Variants in ACIN1 observed in about 807,000 individuals in gnomAD.
ACIN1 encodes apoptotic chromatin condensation inducer 1.
ACIN1 carries 16 observed loss-of-function variants against 146.6 expected under a neutral mutation model. The ratio of observed to expected loss-of-function variants is 0.11; its 90% CI spans 0.07 to 0.17. ACIN1 has a LOEUF of 0.17. Ranked by LOEUF, ACIN1 falls within the 10% of genes least tolerant of loss-of-function variation. The pLI is 1.00. For synonymous variants in ACIN1, 569 were observed against 582.7 expected, an observed-to-expected ratio of 0.98 and a Z score of 0.34; for missense variants, 1,357 against 1,609.3, an observed-to-expected ratio of 0.84 and a Z score of 2.68.
intron 4 of ACIN1, among the ~76,000 whole-genome samples, chr14:23,088,721 G>T (rs1207069492): frequency 1.3e-5 from 2 of 152,120 alleles, no homozygotes; most frequent in Non-Finnish European, 2.9e-5. Context: ...CAATCCACAT[G>T]TCTTATATAC....
chr14:23,090,677 A>T (rs2048205927), intron 2 of ACIN1, 44 bp from the exon 3 acceptor site: 2 of 1,469,400 alleles, frequency 1.4e-6, no homozygotes, highest in Non-Finnish European at 1.9e-6. Context: ...AAAACAAACC[A>T]GGAGAATGCA....
In ACIN1 at chr14:23,094,851, G is replaced by A; in HGVS notation, c.138+124C>T. The A allele has an allele frequency of 2.2e-6, 3 of 1,360,496 alleles. 1 individual carries two copies. The highest frequency in any genetic ancestry group is 2.9e-5 in the South Asian group (2 of 69,688). The allele number at this position is 1,360,496 out of a possible 1,614,324, so 84.3% of individuals were successfully genotyped here. A position where few individuals can be genotyped will look rare whatever the true frequency, so the allele number is the denominator to read the frequency against. On this transcript the variant is annotated intron_variant, in intron 1 of 18. Transcript: ENST00000605057. ...ATCAACCACCGTGCGCGCGGATCCA[G>A]AGGCTCGCGCTGGCGGCCTGAGCGA...
At position 23,068,503 on chromosome 14, in the gene ACIN1, C is replaced by T. The variant is rs2047526066; in HGVS notation, c.2265+973G>A. On this transcript the variant is annotated intron_variant, in intron 9 of 18. Transcript: ENST00000605057. The surrounding 1 kb of genome is among the most constrained non-coding windows in gnomAD (Gnocchi z 4.3). ...GACAGGGAGGCAAAAGGGGGCCCAT[C>T]ACAGGAGCCCATATACATGCCCCCC... The T allele has an allele frequency of 1.0e-6, 1 of 985,820 alleles. No individual in the cohort carries two copies. Among genetic ancestry groups the T allele is most frequent in the Non-Finnish European group, 1.2e-6 (1 of 829,982 alleles). The allele number at this position is 985,820 out of a possible 1,614,324, so 61.1% of individuals were successfully genotyped here.
At chr14:23,095,293 C>G, upstream of ACIN1, 1 of 1,589,386 alleles carries the variant, frequency 6.3e-7, no homozygotes, top group Non-Finnish European at 8.6e-7. Flanking sequence ...ACATCGTTAC[C>G]AATCAATTCT....
At chr14:23,084,597 G>A (rs928060177) in intron 4 of ACIN1, among the ~76,000 whole-genome samples, 6 of 147,392 alleles carry the variant, frequency 4.1e-5, no homozygotes, top group African/African-American at 1.0e-4. Flanking sequence ...GCGACAGAGC[G>A]AGACTCCATC....
intron 6 of ACIN1, 125 bp from the exon 7 acceptor site, chr14:23,079,163 TC>T: frequency 1.0e-6 from 1 of 981,614 alleles, no homozygotes; most frequent in East Asian, 2.6e-5. Context: ...CTGTGTTTAC[TC>T]CCATTTTGTC....
chr14:23,088,149 C>A (rs1282119885), intron 4 of ACIN1, among the ~76,000 whole-genome samples: 2 of 152,124 alleles, frequency 1.3e-5, no homozygotes, highest in African/African-American at 4.8e-5. Flanking sequence ...AGTAGGAATT[C>A]AATAAATTTT....
rs1176920890 is a variant in ACIN1, at chr14:23,067,396, T to C, written c.2266-1388A>G. On this transcript the variant is annotated intron_variant, in intron 9 of 18. Transcript: ENST00000605057. The surrounding 1 kb of genome is among the most constrained non-coding windows in gnomAD (Gnocchi z 4.6). ...CGGTCCAATCAGAATGAGCCCTCCCTGCTAGGCGCTGTGCAATTGGTGGGG... is the reference window on the plus strand; with the variant it reads ...CGGTCCAATCAGAATGAGCCCTCCCCGCTAGGCGCTGTGCAATTGGTGGGG... 1 of 985,026 alleles carries C rather than the reference T, an allele frequency of 1.0e-6. No homozygotes were observed. Among genetic ancestry groups the C allele is most frequent in the African/African-American group, 1.8e-5 (1 of 56,956 alleles). 61.0% of individuals were successfully genotyped at this position (985,026 alleles called of 1,614,324 possible). A position where few individuals can be genotyped will look rare whatever the true frequency, so the allele number is the denominator to read the frequency against.
At chr14:23,073,931 G>A (rs1467892589) in intron 8 of ACIN1, among the ~76,000 whole-genome samples, 5 of 148,836 alleles carry the variant, frequency 3.4e-5, no homozygotes, top group Admixed American at 6.7e-5. Context: ...CTCCGCCTCC[G>A]GGGTTCACAC....
At chr14:23,092,970 C>T (rs1319755994) in intron 2 of ACIN1, among the ~76,000 whole-genome samples, 1 of 152,124 alleles carries the variant, frequency 6.6e-6, no homozygotes, top group African/African-American at 2.4e-5. Flanking sequence ...TGTTTCTTAT[C>T]CTAAGTAAAG....
intron 16 of ACIN1, among the ~76,000 whole-genome samples, 187 bp downstream of exon 16, chr14:23,061,971 CAAAAAAAAAA>C (rs57962360): frequency 6.8e-5 from 4 of 59,146 alleles, no homozygotes; most frequent in African/African-American, 1.5e-4. Context: ...GACTCTGTCT[CAAAAAAAAAA>C]AAAAAAAAAA....
chr14:23,081,823 T>G lies in ACIN1; in HGVS notation c.450A>C (p.Ser150=), dbSNP rs1371733693. 2 of 1,611,322 alleles carry G rather than the reference T, an allele frequency of 1.2e-6. No individual in the cohort carries two copies. Among genetic ancestry groups the G allele is most frequent in the Non-Finnish European group, 1.7e-6 (2 of 1,179,612 alleles). Residue 150 remains serine (S), a synonymous_variant, in exon 5 of 19, where the codon TCA becomes TCC. Transcript: ENST00000605057. ...LSRHSPRKSS[S]ISEEKGDSDD... The stretch of plus-strand genomic sequence containing the variant: ...CAGAGTCACCTTTCTCTTCAGAAAT[T>G]GAGGAGCTTTTTCCTATTGAATGAA...
In ACIN1 at chr14:23,079,680, T is replaced by C. The variant is rs1181036194; in HGVS notation, c.1655A>G (p.Lys552Arg). 6.2e-7 allele frequency: 1 copy of C among 1,614,014 alleles called. No homozygotes were observed. Among genetic ancestry groups the C allele is most frequent in the Non-Finnish European group, 8.5e-7 (1 of 1,180,018 alleles). Residue 552 changes from lysine (K) to arginine (R), a missense_variant, in exon 6 of 19, where the codon AAG (lysine) becomes AGG (arginine). Transcript: ENST00000605057. Reference protein sequence around the residue: ...GSRSHSPLRSKQRDVAQARTH... With the variant: ...GSRSHSPLRSRQRDVAQARTH... ...ACGTGCCTGGGCTACATCTCTCTGC[T>C]TGGATCTGAGCGGTGAATGAGACCG...
chr14:23,065,909 G>A (rs369806704), intron 10 of ACIN1, 57 bp downstream of exon 10: 314 of 1,520,164 alleles, frequency 2.1e-4, no homozygotes, highest in Non-Finnish European at 2.8e-4. Flanking sequence ...GGTTCTCAAT[G>A]AATGCTGGTT....
intron 4 of ACIN1, among the ~76,000 whole-genome samples, chr14:23,082,537 T>C (rs1445798392): frequency 7.1e-6 from 1 of 140,676 alleles, no homozygotes; most frequent in Non-Finnish European, 1.5e-5. Flanking sequence ...CTCTGCCCCC[T>C]GGCTTCAAAC....
chr14:23,064,628 G>C, intron 10 of ACIN1, 140 bp from the exon 11 acceptor site: 1 of 1,241,540 alleles, frequency 8.1e-7, no homozygotes, highest in Non-Finnish European at 1.1e-6. Context: ...GCTGAGTGTG[G>C]TGGCTCACAC....
intron 4 of ACIN1, among the ~76,000 whole-genome samples, chr14:23,088,715 C>T (rs565377807): frequency 1.3e-5 from 2 of 152,306 alleles, no homozygotes; most frequent in South Asian, 4.1e-4. Context: ...TACTAACAAT[C>T]CACATGTCTT....
chr14:23,080,561 T>G lies in ACIN1; in HGVS notation c.774A>C (p.Pro258=). The change falls in exon 6 of 19, where the codon CCA becomes CCC. Residue 258 remains proline (P), a synonymous_variant. Transcript: ENST00000605057. The stretch of plus-strand genomic sequence containing the variant: ...TGGGTCTCTCATCCATCATCTCCTC[T>G]GGTTTTACTCTAGGTATCTCTTCCC... The part of the protein sequence containing the change: ...EEGEEIPRVK[P]EEMMDERPKT... The G allele has an allele frequency of 6.2e-7, 1 of 1,614,158 alleles. No individual in the cohort carries two copies.
intron 4 of ACIN1, among the ~76,000 whole-genome samples, chr14:23,083,046 G>GGT (rs2047990994): frequency 6.8e-6 from 1 of 148,028 alleles, no homozygotes; most frequent in African/African-American, 2.6e-5. Flanking sequence ...GACTAGGTGA[G>GGT]ATTTTTTTTT....
Sources: gnomAD v4.1 joint callset for allele counts (sites outside exome capture counted in the v4.1 genomes callset) on GRCh38, gnomAD v4.1.1 for gene constraint, Gnocchi (gnomAD v3.1) non-coding constraint, MANE v1.5 for transcripts, NCBI Gene and HGNC (gene_info 2026-07-23, HGNC 2026-07-21) for gene names.